The following PAX7 variants were observed in gnomAD, a reference collection of about 807,000 sequenced individuals.
The protein encoded by PAX7 is paired box 7.
A neutral mutation model predicts 50.7 loss-of-function variants in PAX7; 18 were observed. That is an observed-to-expected ratio of 0.36 (90% confidence interval 0.25 to 0.53). The LOEUF (loss-of-function observed/expected upper bound fraction) is 0.53. PAX7 is among the 20% of genes least tolerant of loss of function. The pLI is 0.93. For missense variants in PAX7, 644 were observed against 702.9 expected, an observed-to-expected ratio of 0.92 and a Z score of 0.95; for synonymous variants, 310 against 290.4, an observed-to-expected ratio of 1.07 and a Z score of -0.69.
At chr1:18,696,370 A>AG (rs58932406) in intron 5 of PAX7, among the ~76,000 whole-genome samples, 8,620 of 152,180 alleles carry the variant, frequency 0.057, 412 homozygotes, top group East Asian at 0.25. Flanking sequence ...CCCAGCCTTC[A>AG]TGGTGCATTT....
At chr1:18,637,313 C>T (rs2088177852) in intron 4 of PAX7, among the ~76,000 whole-genome samples, 1 of 152,090 alleles carries the variant, frequency 6.6e-6, no homozygotes, top group South Asian at 2.1e-4. Context: ...CTCTTTGAGA[C>T]TTGGTAAGTG....
At chr1:18,724,019 C>T (rs1052272192) in intron 7 of PAX7, among the ~76,000 whole-genome samples, 2 of 152,148 alleles carry the variant, frequency 1.3e-5, no homozygotes, top group Non-Finnish European at 2.9e-5. Flanking sequence ...ATTTTTCACT[C>T]GCTCAGTGCC....
intron 4 of PAX7, among the ~76,000 whole-genome samples, chr1:18,677,455 C>A (rs1316025292): frequency 2.0e-5 from 3 of 152,178 alleles, no homozygotes; most frequent in African/African-American, 7.2e-5. Flanking sequence ...ACATTCACTG[C>A]TGTAGCTTTT....
chr1:18,708,522 G>A (rs969420444), intron 7 of PAX7, among the ~76,000 whole-genome samples: 15 of 151,992 alleles, frequency 9.9e-5, no homozygotes, highest in African/African-American at 2.2e-4. Flanking sequence ...GCCACTGTGC[G>A]CCAGCCTAGG....
chr1:18,717,721 C>G (rs540693405), intron 7 of PAX7, among the ~76,000 whole-genome samples: 5 of 152,328 alleles, frequency 3.3e-5, no homozygotes, highest in African/African-American at 9.6e-5. Flanking sequence ...GCCCAATAAA[C>G]AGCTGCAAAC....
intron 7 of PAX7, among the ~76,000 whole-genome samples, chr1:18,715,380 G>A (rs1264929975): frequency 1.3e-5 from 2 of 152,172 alleles, no homozygotes; most frequent in African/African-American, 2.4e-5. Flanking sequence ...TTATTAAATA[G>A]TAATAAGTAA....
intron 8 of PAX7, among the ~76,000 whole-genome samples, chr1:18,736,464 C>CA (rs35410898): frequency 0.7 from 82,049 of 117,562 alleles, 27,869 homozygotes; most frequent in Non-Finnish European, 0.78. Context: ...GACTCTGTCT[C>CA]AAAAAAAAAA....
intron 7 of PAX7, among the ~76,000 whole-genome samples, chr1:18,730,735 C>T (rs1361401722): frequency 1.3e-5 from 2 of 151,990 alleles, no homozygotes; most frequent in African/African-American, 2.4e-5. Context: ...GGGAGCGCGC[C>T]GGCATGTCCC....
At chr1:18,728,596 C>T (rs1308454130) in intron 7 of PAX7, among the ~76,000 whole-genome samples, 2 of 151,810 alleles carry the variant, frequency 1.3e-5, no homozygotes, top group Non-Finnish European at 2.9e-5. Flanking sequence ...CGTCGTGGCT[C>T]ACGCCTGTAG....
At position 18,725,302 on chromosome 1, in the gene PAX7, G is replaced by GCCCCCCCCCCCCCCCC. The variant is rs3216186; in HGVS notation, c.1156-10320_1156-10319insCCCCCCCCCCCCCCCC. On this transcript the variant is annotated intron_variant, in intron 7 of 8. Transcript: ENST00000420770. ...CTCCACCAATTACAGAGGTGGAGAC[G>GCCCCCCCCCCCCCCCC]CCCCCCCCCCGCCCCACCAACACCG... Among the ~76,000 whole-genome samples the GCCCCCCCCCCCCCCCC allele has an allele frequency of 1.1e-4, 12 of 106,414 alleles. 2 individuals are homozygous for GCCCCCCCCCCCCCCCC. The highest frequency in any genetic ancestry group is 6.4e-4 in the East Asian group (1 of 1,564). 69.8% of individuals were successfully genotyped at this position (106,414 alleles called of 152,430 possible).
chr1:18,709,217 G>A (rs2089319396), intron 7 of PAX7, among the ~76,000 whole-genome samples: 1 of 152,048 alleles, frequency 6.6e-6, no homozygotes, highest in Admixed American at 6.6e-5. Flanking sequence ...TTGGGTTAGC[G>A]GCATCCTTGG....
At chr1:18,652,889 C>G (rs1171240156) in intron 4 of PAX7, among the ~76,000 whole-genome samples, 1 of 152,180 alleles carries the variant, frequency 6.6e-6, no homozygotes, top group Non-Finnish European at 1.5e-5. Flanking sequence ...CCTTAACTCC[C>G]CAGCCATGCC....
Position 18,636,187 on chromosome 1 carries a change from T to C in PAX7, c.452-50T>C. The C allele has an allele frequency of 2.5e-6, 4 of 1,592,302 alleles. No homozygotes were observed. Among genetic ancestry groups the C allele is most frequent in the Non-Finnish European group, 3.4e-6 (4 of 1,166,262 alleles). On this transcript the variant is annotated intron_variant, in intron 3 of 8. Coordinates refer to ENST00000420770, the MANE Select transcript of PAX7 (RefSeq NM_001135254.2). The surrounding 1 kb of genome is among the most constrained non-coding windows in gnomAD (Gnocchi z 5.1). ...CCCAGGGGCCCAGGCCACCGCTCGC[T>C]CCTCTGCTCCAACAACTTATACTTG...
At chr1:18,657,280 A>G (rs931565877) in intron 4 of PAX7, among the ~76,000 whole-genome samples, 2 of 151,802 alleles carry the variant, frequency 1.3e-5, no homozygotes, top group African/African-American at 4.8e-5. Context: ...GGGGCTGGGG[A>G]TTGAAACTCC....
intron 7 of PAX7, among the ~76,000 whole-genome samples, chr1:18,717,807 C>A (rs2089445983): frequency 6.6e-6 from 1 of 152,196 alleles, no homozygotes; most frequent in Non-Finnish European, 1.5e-5. Context: ...CTAAACCTGG[C>A]CTCTGCCCTC....
rs1427513742 is a variant in PAX7, at chr1:18,635,146, G to C, written c.357G>C (p.Glu119Asp). 6.2e-7 allele frequency: 1 copy of C among 1,613,962 alleles called. No individual in the cohort carries two copies. The highest frequency in any genetic ancestry group is 8.5e-7 in the Non-Finnish European group (1 of 1,179,914). ...VATPDVEKKI[E>D]EYKRENPGMF... The stretch of plus-strand genomic sequence containing the variant: ...CTCCGGATGTAGAGAAAAAGATTGA[G>C]GAGTACAAGAGGGAAAACCCAGGCA... The change falls in exon 3 of 9, where the codon GAG becomes GAC. Residue 119 changes from glutamate (E) to aspartate (D), a missense_variant. Glu to Asp is a conservative substitution (Grantham distance 45). Transcript: ENST00000420770.
rs112002755 is a variant in PAX7, at chr1:18,742,630, C to T, written c.1403-2184C>T. On this transcript the variant is annotated intron_variant, in intron 8 of 8. Transcript: ENST00000420770. ...GCAGGGCCAGGCTGACTGCCACCAA[C>T]TCTGCTCTACCAACTGGGAGCCTGG... Among the ~76,000 whole-genome samples, 981 of 152,334 alleles carry T rather than the reference C, an allele frequency of 6.4e-3. 13 individuals carry two copies. Among genetic ancestry groups the T allele is most frequent in the African/African-American group, 0.023 (947 of 41,572 alleles).
intron 4 of PAX7, among the ~76,000 whole-genome samples, chr1:18,638,991 C>T (rs904600887): frequency 2.6e-5 from 4 of 152,188 alleles, no homozygotes; most frequent in African/African-American, 4.8e-5. Context: ...TGGCTTCTTG[C>T]TCTTGAAAAA....
At position 18,738,952 on chromosome 1, in the gene PAX7, A is replaced by G. The variant is rs573243210; in HGVS notation, c.1402+3074A>G. Among the ~76,000 whole-genome samples the G allele has an allele frequency of 1.4e-4, 22 of 152,214 alleles. No homozygotes were observed. The South Asian group carries it at 3.1e-3, about 22-fold the overall frequency. On this transcript the variant is annotated intron_variant, in intron 8 of 8. Transcript: ENST00000420770. Reference sequence around the variant, plus strand: ...GAGACACATCATGTTCCCGCTAACCACTTGCCCCACATCCCTGGGCAACTT... The same window carrying G: ...GAGACACATCATGTTCCCGCTAACCGCTTGCCCCACATCCCTGGGCAACTT...
Sources: allele counts gnomAD v4.1 joint callset (sites outside exome capture counted in the v4.1 genomes callset), GRCh38; gene constraint gnomAD v4.1.1; non-coding constraint Gnocchi (gnomAD v3.1); transcripts MANE v1.5; gene names NCBI Gene and HGNC (gene_info 2026-07-23, HGNC 2026-07-21).